The following GRM7 variants were observed in gnomAD, a reference collection of about 807,000 sequenced individuals.
The protein encoded by GRM7 is metabotropic glutamate receptor 7.
GRM7 carries 35 observed loss-of-function variants against 84.5 expected under a neutral mutation model. The observed-to-expected ratio is 0.41, with a 90% CI of 0.32 to 0.55. GRM7 has a LOEUF of 0.55. GRM7 is among the 20% of genes least tolerant of loss of function. The pLI, the probability that GRM7 is intolerant of heterozygous loss-of-function variation, is 0.19. For missense variants in GRM7, 1,003 were observed against 1,194.6 expected (o/e 0.84, Z 2.36); for synonymous variants, 487 against 455.1 (o/e 1.07, Z -0.89).
chr3:7,634,970 T>A (rs1698021055), intron 8 of GRM7, among the ~76,000 whole-genome samples: 1 of 152,150 alleles, frequency 6.6e-6, no homozygotes, highest in African/African-American at 2.4e-5. Context: ...GGACAGGTAG[T>A]ATTAACCACA....
At chr3:7,060,556 C>G (rs1375166831) in intron 1 of GRM7, among the ~76,000 whole-genome samples, 1 of 151,752 alleles carries the variant, frequency 6.6e-6, no homozygotes, top group Non-Finnish European at 1.5e-5. Context: ...GGGAAGAGAG[C>G]TGATCATGAG....
chr3:7,532,875 TAA>T (rs200116512), intron 7 of GRM7, among the ~76,000 whole-genome samples: 11,908 of 86,392 alleles, frequency 0.14, 646 homozygotes, highest in South Asian at 0.23. Context: ...CCAACAAAGA[TAA>T]AAAAAAAAAA....
At chr3:7,110,906 G>C (rs1295181828) in intron 1 of GRM7, among the ~76,000 whole-genome samples, 1 of 152,066 alleles carries the variant, frequency 6.6e-6, no homozygotes, top group Non-Finnish European at 1.5e-5. Context: ...GGGAGTCCTG[G>C]AAAGATTGTT....
At chr3:7,539,088 T>C (rs1692721230) in intron 7 of GRM7, among the ~76,000 whole-genome samples, 1 of 152,198 alleles carries the variant, frequency 6.6e-6, no homozygotes, top group Admixed American at 6.5e-5. Context: ...TTGATTCTTA[T>C]AGATGAGATC....
chr3:7,601,409 T>A (rs1241271658), intron 8 of GRM7, among the ~76,000 whole-genome samples: 1 of 152,082 alleles, frequency 6.6e-6, no homozygotes, highest in Non-Finnish European at 1.5e-5. Flanking sequence ...TCTGGCTGTG[T>A]TCATCAAGGT....
intron 2 of GRM7, among the ~76,000 whole-genome samples, chr3:7,175,837 C>T (rs1268885799): frequency 6.6e-6 from 1 of 152,114 alleles, no homozygotes; most frequent in African/African-American, 2.4e-5. Flanking sequence ...TGCACCCATC[C>T]AAAATTTTGC....
chr3:7,359,923 G>C (rs184444682), intron 4 of GRM7, among the ~76,000 whole-genome samples: 2 of 148,394 alleles, frequency 1.3e-5, no homozygotes, highest in African/African-American at 5.1e-5. Context: ...TAATTACTGA[G>C]AAGCAAATTA....
At chr3:7,007,595 CT>C (rs750459891) in intron 1 of GRM7, among the ~76,000 whole-genome samples, 21 of 152,160 alleles carry the variant, frequency 1.4e-4, no homozygotes, top group Non-Finnish European at 1.9e-4. Context: ...GCCTCATGGC[CT>C]AAGATGGGAA....
At chr3:7,695,758 G>A (rs1700993089) in intron 9 of GRM7, among the ~76,000 whole-genome samples, 1 of 152,116 alleles carries the variant, frequency 6.6e-6, no homozygotes, top group African/African-American at 2.4e-5. Flanking sequence ...GCAGTTATTA[G>A]GATTAGATTA....
At chr3:7,176,663 A>G (rs913442923) in intron 2 of GRM7, among the ~76,000 whole-genome samples, 6 of 152,174 alleles carry the variant, frequency 3.9e-5, no homozygotes. Context: ...CATACTGGAA[A>G]CTTTGTAGTG....
Position 7,285,215 on chromosome 3 carries a change from C to T in GRM7, c.737-13469C>T, listed in dbSNP as rs557850787. On this transcript the variant is annotated intron_variant, in intron 2 of 9. Transcript: ENST00000357716. ...ACAGAAAAAGTTTGCTGACTCCTAA[C>T]TTAGACCAACAAAAGATTTTTAGAA... Among the ~76,000 whole-genome samples the T allele has an allele frequency of 3.5e-4, 54 of 152,252 alleles. 1 individual carries two copies. Among genetic ancestry groups the T allele is most frequent in the Middle Eastern group, 3.4e-3 (1 of 294 alleles).
chr3:7,130,532 G>T (rs1693558597), intron 1 of GRM7, among the ~76,000 whole-genome samples: 1 of 148,512 alleles, frequency 6.7e-6, no homozygotes. Context: ...GACAGTGCGA[G>T]ATTCTTGTCT....
chr3:7,601,295 A>T (rs1696300629), intron 8 of GRM7, among the ~76,000 whole-genome samples: 1 of 152,112 alleles, frequency 6.6e-6, no homozygotes, highest in Non-Finnish European at 1.5e-5. Flanking sequence ...AAGGCATTCT[A>T]AGAAGGGGTG....
intron 4 of GRM7, among the ~76,000 whole-genome samples, chr3:7,366,182 A>G (rs991877571): frequency 6.6e-6 from 1 of 151,828 alleles, no homozygotes; most frequent in Non-Finnish European, 1.5e-5. Context: ...AAAGGACTTT[A>G]ACAGCCAACC....
intron 2 of GRM7, among the ~76,000 whole-genome samples, chr3:7,257,140 T>A (rs1698239062): frequency 1.3e-5 from 2 of 152,182 alleles, no homozygotes; most frequent in Non-Finnish European, 2.9e-5. Context: ...TAGGGAGCAC[T>A]AATCCAAGGA....
intron 2 of GRM7, among the ~76,000 whole-genome samples, chr3:7,249,261 C>G (rs185626614): frequency 2.6e-4 from 39 of 152,250 alleles, no homozygotes; most frequent in African/African-American, 9.1e-4. Flanking sequence ...TTCCAAGTAG[C>G]TTACTTTGCT....
chr3:7,295,056 A>G (rs576589877), intron 2 of GRM7, among the ~76,000 whole-genome samples: 1 of 152,130 alleles, frequency 6.6e-6, no homozygotes, highest in African/African-American at 2.4e-5. Context: ...TGTACTTTGG[A>G]TATTATATTC....
At chr3:7,573,851 T>C (rs1003815783) in intron 7 of GRM7, among the ~76,000 whole-genome samples, 1 of 152,182 alleles carries the variant, frequency 6.6e-6, no homozygotes, top group East Asian at 1.9e-4. Flanking sequence ...AGAATTTGAA[T>C]TATTGGTGAA....
chr3:7,564,709 A>T (rs1486729151), intron 7 of GRM7, among the ~76,000 whole-genome samples: 1 of 152,148 alleles, frequency 6.6e-6, no homozygotes, highest in Non-Finnish European at 1.5e-5. Context: ...GCATCATGCT[A>T]TTCCTTACAC....
Sources: gnomAD v4.1 joint callset for allele counts (sites outside exome capture counted in the v4.1 genomes callset) on GRCh38, gnomAD v4.1.1 for gene constraint, MANE v1.5 for transcripts, NCBI Gene and HGNC (gene_info 2026-07-23, HGNC 2026-07-21) for gene names.